DNAI4: variants seen among roughly 807,000 people sequenced by gnomAD.
The protein encoded by DNAI4 is WD repeat domain 78.
DNAI4 carries 85 observed loss-of-function variants against 105.8 expected under a neutral mutation model. The observed-to-expected ratio is 0.80, with a 90% CI of 0.67 to 0.96. The LOEUF is 0.96. DNAI4 is among the 40% of genes least tolerant of loss of function. DNAI4 has a pLI of 0.00. For synonymous variants in DNAI4, 352 were observed against 331.5 expected, an observed-to-expected ratio of 1.06 and a Z score of -0.67; for missense variants, 1,014 against 1,005.6, an observed-to-expected ratio of 1.01 and a Z score of -0.11.
At position 66,862,146 on chromosome 1, in the gene DNAI4, C is replaced by CT. The variant is rs1646639378; in HGVS notation, c.1096dup (p.Asn366LysfsTer2). On this transcript the variant is annotated frameshift_variant and splice_region_variant. Coordinates refer to ENST00000371026, the MANE Select transcript of DNAI4 (RefSeq NM_024763.5). LOFTEE classifies it high-confidence loss of function. Reference sequence around the variant, plus strand: ...AAAAACTAAAATAAATGAAATCTTACTTTTTTCTGTAGTGCTCCCTGGCAA... The same window carrying CT: ...AAAAACTAAAATAAATGAAATCTTACTTTTTTTCTGTAGTGCTCCCTGGCAA... 1.9e-6 allele frequency: 3 copies of CT among 1,554,668 alleles called. No individual in the cohort carries two copies. The highest frequency in any genetic ancestry group is 2.6e-6 in the Non-Finnish European group (3 of 1,158,648).
rs1304159280 is a variant in DNAI4, at chr1:66,891,342, A to G, written c.531-76T>C. ...AAACTACATATACAAATTAGAACATATTATCAGATGGAGAAATCAAATATA... is the reference window on the plus strand; with the variant it reads ...AAACTACATATACAAATTAGAACATGTTATCAGATGGAGAAATCAAATATA... On this transcript the variant is annotated intron_variant, in intron 3 of 16. Coordinates refer to ENST00000371026, the MANE Select transcript of DNAI4 (RefSeq NM_024763.5). 4.1e-6 allele frequency: 4 copies of G among 966,016 alleles called. No homozygotes were observed. The Admixed American group carries it at 8.9e-5, about 22-fold the overall frequency. The allele number at this position is 966,016 out of a possible 1,614,324, so 59.8% of individuals were successfully genotyped here.
At chr1:66,870,039 T>C (rs1418248585) in intron 6 of DNAI4, among the ~76,000 whole-genome samples, 2 of 152,252 alleles carry the variant, frequency 1.3e-5, no homozygotes, top group Non-Finnish European at 2.9e-5. Context: ...AAGATGTATG[T>C]ATGTTCTTTG....
intron 16 of DNAI4, 92 bp from the exon 17 acceptor site, chr1:66,814,272 A>G (rs1645467239): frequency 1.1e-6 from 1 of 882,624 alleles, no homozygotes; most frequent in Non-Finnish European, 1.8e-6. Flanking sequence ...TTTATAAGTT[A>G]GTGATACACA....
At chr1:66,827,187 G>A (rs919985633) in intron 14 of DNAI4, 141 bp from the exon 15 acceptor site, 1 of 662,748 alleles carries the variant, frequency 1.5e-6, no homozygotes, top group African/African-American at 1.8e-5. Context: ...TTGAGAATAA[G>A]ATCACAGATT....
At position 66,893,379 on chromosome 1, in the gene DNAI4, C is replaced by A. The variant is rs146236465; in HGVS notation, c.380G>T (p.Arg127Leu). ...FDINGTDVTP[R>L]PLYHPDPLTG... ...AAGTGGATCTGGATGGTAAAGAGGT[C>A]GGGGAGTAACATCAGTTCCATTTAT... The change falls in exon 3 of 17, where the codon CGA becomes CTA. Residue 127 changes from arginine (R) to leucine (L), a missense_variant. Arg to Leu is a moderately radical substitution (Grantham distance 102, BLOSUM62 -2). Coordinates refer to ENST00000371026, the MANE Select transcript of DNAI4 (RefSeq NM_024763.5). 2.5e-6 allele frequency: 4 copies of A among 1,582,272 alleles called. No homozygotes were observed. In the South Asian group the frequency reaches 4.7e-5, roughly 18 times the overall value.
chr1:66,855,117 T>C (rs568086037), intron 7 of DNAI4, among the ~76,000 whole-genome samples: 25 of 152,164 alleles, frequency 1.6e-4, no homozygotes, highest in Non-Finnish European at 3.5e-4. Flanking sequence ...ACTCAGTCAC[T>C]AGTTTCCCTT....
At chr1:66,906,254 T>C (rs1317272325) in intron 1 of DNAI4, among the ~76,000 whole-genome samples, 1 of 152,132 alleles carries the variant, frequency 6.6e-6, no homozygotes, top group Non-Finnish European at 1.5e-5. Flanking sequence ...AAAATATTTA[T>C]ATCCATGAAA....
intron 7 of DNAI4, among the ~76,000 whole-genome samples, chr1:66,861,091 G>A (rs560312396): frequency 5.9e-5 from 9 of 152,084 alleles, no homozygotes; most frequent in East Asian, 1.9e-4. Context: ...GGAACAAGTC[G>A]AAAGGTCTTT....
chr1:66,904,022 T>TATATATATATATATGC lies in DNAI4; in HGVS notation c.345+1178_345+1179insGCATATATATATATAT, dbSNP rs568374007. ...ATAAATGAAATATAGTTTGTGTGTGTATATATACATATGCATATATATTTA... is the reference window on the plus strand; with the variant it reads ...ATAAATGAAATATAGTTTGTGTGTGTATATATATATATATGCATATATACATATGCATATATATTTA... On this transcript the variant is annotated intron_variant, in intron 2 of 16. Coordinates refer to ENST00000371026, the MANE Select transcript of DNAI4 (RefSeq NM_024763.5). Among the ~76,000 whole-genome samples the TATATATATATATATGC allele has an allele frequency of 6.4e-3, 969 of 151,474 alleles. 9 individuals are homozygous for TATATATATATATATGC. The highest frequency in any genetic ancestry group is 0.022 in the African/African-American group (889 of 41,322).
chr1:66,825,166 C>CTTTTT (rs759572433), intron 15 of DNAI4, among the ~76,000 whole-genome samples: 139 of 95,920 alleles, frequency 1.4e-3, no homozygotes, highest in East Asian at 2.3e-3. Context: ...TAATAACTGT[C>CTTTTT]TTTTTTTTTT....
In DNAI4 at chr1:66,862,288, C is replaced by T; in HGVS notation, c.955G>A (p.Ala319Thr). 2.5e-6 allele frequency: 4 copies of T among 1,606,644 alleles called. No homozygotes were observed. Among genetic ancestry groups the T allele is most frequent in the Non-Finnish European group, 3.4e-6 (4 of 1,177,878 alleles). The change falls in exon 7 of 17, where the codon GCC (alanine) becomes ACC (threonine). Residue 319 changes from alanine (A) to threonine (T), a missense_variant. Transcript: ENST00000371026. ...TTGTAAGAATCATACAAATCCCAGG[C>T]AGTGGACATTATGCCTAGATAAAGA... ...IMEDKGIMST[A>T]WDLYDSYNAM...
rs377426851 is a variant in DNAI4 at position 66,827,785 on chromosome 1, G to A, written c.2112+27C>T. ...GTTTTTTCAGAAATACAAAATAAAT[G>A]TTCCAACCTACTATAATTAAACTAA... On this transcript the variant is annotated intron_variant, in intron 14 of 16. Transcript: ENST00000371026. 6.8e-6 allele frequency: 9 copies of A among 1,329,660 alleles called. No homozygotes were observed. The African/African-American group carries it at 1.2e-4, about 18-fold the overall frequency. 82.4% of individuals were successfully genotyped at this position (1,329,660 alleles called of 1,614,324 possible).
intron 16 of DNAI4, among the ~76,000 whole-genome samples, chr1:66,821,388 C>T (rs1031739642): frequency 7.2e-5 from 11 of 152,018 alleles, no homozygotes; most frequent in Non-Finnish European, 5.9e-5. Flanking sequence ...TATAAGCCAC[C>T]GTGCCCAGCC....
chr1:66,923,973 AGAC>A (rs553570407), intron 1 of DNAI4, among the ~76,000 whole-genome samples: 130 of 152,328 alleles, frequency 8.5e-4, no homozygotes, highest in African/African-American at 3.1e-3. Flanking sequence ...GGTATTGACG[AGAC>A]GACAATAAAA....
intron 9 of DNAI4, among the ~76,000 whole-genome samples, chr1:66,838,347 G>T (rs1646074333): frequency 6.6e-6 from 1 of 152,282 alleles, no homozygotes; most frequent in Admixed American, 6.5e-5. Flanking sequence ...CACACCAGAG[G>T]TCTCTCTCTG....
rs750363256 is a variant in DNAI4 at position 66,822,509 on chromosome 1, G to A, written c.2348C>T (p.Pro783Leu). The A allele has an allele frequency of 2.4e-5, 38 of 1,602,438 alleles. No homozygotes were observed. The highest frequency in any genetic ancestry group is 3.0e-5 in the Non-Finnish European group (35 of 1,175,672). The change falls in exon 16 of 17, where the codon CCT becomes CTT. Residue 783 changes from proline (P) to leucine (L), a missense_variant. Physicochemically the swap from Pro to Leu is moderately conservative, Grantham distance 98. Coordinates refer to ENST00000371026, the MANE Select transcript of DNAI4 (RefSeq NM_024763.5). The stretch of plus-strand genomic sequence containing the variant: ...AGGGTTAGCAGTATTCACAATCAGA[G>A]GGTCCAAACTGTAATGAAATATTTT... The part of the protein sequence containing the change: ...IWDLHISTLD[P>L]LIVNTANPGI...
intron 11 of DNAI4, 33 bp downstream of exon 11, chr1:66,835,593 T>A (rs747048494): frequency 1.2e-6 from 2 of 1,601,224 alleles, no homozygotes; most frequent in Non-Finnish European, 1.7e-6. Context: ...AAAAAGCATG[T>A]ATTATACATT....
At chr1:66,876,611 T>C (rs1334342211) in intron 4 of DNAI4, among the ~76,000 whole-genome samples, 1 of 152,134 alleles carries the variant, frequency 6.6e-6, no homozygotes, top group Non-Finnish European at 1.5e-5. Context: ...ATTTCCTAAA[T>C]GTTGCTTGAA....
intron 3 of DNAI4, among the ~76,000 whole-genome samples, 166 bp downstream of exon 3, chr1:66,893,063 G>GAGAAAGAA (rs768595484): frequency 0.15 from 13,679 of 89,154 alleles, 1,426 homozygotes; most frequent in South Asian, 0.18. Context: ...AAGAGAGAGA[G>GAGAAAGAA]AGAAAGAAAG....
Sources: gnomAD v4.1 joint callset for allele counts (sites outside exome capture counted in the v4.1 genomes callset) on GRCh38, gnomAD v4.1.1 for gene constraint, MANE v1.5 for transcripts, NCBI Gene and HGNC (gene_info 2026-07-23, HGNC 2026-07-21) for gene names.